STK33: variants seen among roughly 807,000 people sequenced by gnomAD.
STK33 encodes serine/threonine kinase 33, also known as serine/threonine-protein kinase 33.
STK33 carries 52 observed loss-of-function variants against 58.0 expected under a neutral mutation model. The observed-to-expected ratio is 0.90, with a 90% CI of 0.72 to 1.13. The LOEUF (loss-of-function observed/expected upper bound fraction) is 1.13, where lower values mean the gene tolerates loss of function less well. Ranked by LOEUF, STK33 falls within the 50% of genes most tolerant of loss-of-function variation. STK33 has a pLI of 0.00. For synonymous variants in STK33, 215 were observed against 200.1 expected, an observed-to-expected ratio of 1.07 and a Z score of -0.63; for missense variants, 630 against 604.2, an observed-to-expected ratio of 1.04 and a Z score of -0.45.
chr11:8,367,109 A>G, the STK33 span, among the ~76,000 whole-genome samples: 1 of 152,274 alleles, frequency 6.6e-6, no homozygotes, highest in Admixed American at 6.5e-5. Context: ...TGTAGAAAGT[A>G]TACGTTTTGT....
chr11:8,365,605 C>G, the STK33 span, among the ~76,000 whole-genome samples: 1 of 152,166 alleles, frequency 6.6e-6, no homozygotes, highest in African/African-American at 2.4e-5. Flanking sequence ...TTCCTTGGAT[C>G]CCATTTACCG....
intron 1 of STK33, among the ~76,000 whole-genome samples, chr11:8,521,726 A>G (rs998735769): frequency 6.6e-6 from 1 of 152,226 alleles, no homozygotes; most frequent in South Asian, 2.1e-4. Context: ...CAATCTACCC[A>G]TCTGAAAGGG....
chr11:8,449,094 C>T (rs1385805966), intron 11 of STK33, among the ~76,000 whole-genome samples: 2 of 151,608 alleles, frequency 1.3e-5, no homozygotes, highest in African/African-American at 4.9e-5. Flanking sequence ...TACCATCTCA[C>T]ACCAGTTAGA....
chr11:8,589,317 T>C (rs2032224234), intron 1 of STK33, among the ~76,000 whole-genome samples: 1 of 152,338 alleles, frequency 6.6e-6, no homozygotes, highest in South Asian at 2.1e-4. Context: ...AATGGAATTC[T>C]ATTTGGTCAT....
chr11:8,531,169 G>T (rs1401091101), intron 1 of STK33, among the ~76,000 whole-genome samples: 1 of 152,078 alleles, frequency 6.6e-6, no homozygotes, highest in Non-Finnish European at 1.5e-5. Flanking sequence ...TCTAAAAATT[G>T]ATCTTTGAAA....
At chr11:8,412,704 G>A (rs934999076) in intron 15 of STK33, among the ~76,000 whole-genome samples, 12 of 152,184 alleles carry the variant, frequency 7.9e-5, no homozygotes, top group Non-Finnish European at 1.5e-4. Flanking sequence ...CTGCTGGCAG[G>A]ATGCTCAATT....
At chr11:8,386,501 G>C in the STK33 span, among the ~76,000 whole-genome samples, 1 of 152,182 alleles carries the variant, frequency 6.6e-6, no homozygotes. Flanking sequence ...CAGCAATGAG[G>C]ATCCTGAATA....
the STK33 span, among the ~76,000 whole-genome samples, chr11:8,348,016 T>C: frequency 6.6e-6 from 1 of 152,208 alleles, no homozygotes; most frequent in African/African-American, 2.4e-5. Context: ...GTCTAGTCCC[T>C]GAGAGGAGAA....
chr11:8,493,905 T>C (rs1045630133), intron 1 of STK33, among the ~76,000 whole-genome samples: 8 of 152,220 alleles, frequency 5.3e-5, no homozygotes, highest in African/African-American at 1.9e-4. Context: ...CAGCCCTTCA[T>C]GCTAAAGACT....
intron 1 of STK33, among the ~76,000 whole-genome samples, chr11:8,574,919 C>T (rs939156805): frequency 2.0e-5 from 3 of 151,908 alleles, no homozygotes; most frequent in African/African-American, 7.3e-5. Flanking sequence ...GTGGCATGCA[C>T]CTGTAGTCCC....
intron 1 of STK33, among the ~76,000 whole-genome samples, chr11:8,503,028 G>GAAATGT (rs1951627344): frequency 6.6e-6 from 1 of 152,162 alleles, no homozygotes; most frequent in Non-Finnish European, 1.5e-5. Flanking sequence ...ACTGCTGGTG[G>GAAATGT]AAATGTAAAT....
chr11:8,568,676 T>C (rs1187593241), intron 1 of STK33, among the ~76,000 whole-genome samples: 1 of 152,152 alleles, frequency 6.6e-6, no homozygotes, highest in African/African-American at 2.4e-5. Flanking sequence ...TACAGTTCCA[T>C]AAAACTGTGG....
chr11:8,564,003 C>CCT (rs1442919655), intron 1 of STK33, among the ~76,000 whole-genome samples: 1 of 152,122 alleles, frequency 6.6e-6, no homozygotes, highest in East Asian at 1.9e-4. Context: ...ATCTATAGGG[C>CCT]CTCATAAGGT....
chr11:8,498,835 G>GAT (rs1951273672), intron 1 of STK33, among the ~76,000 whole-genome samples: 1 of 152,162 alleles, frequency 6.6e-6, no homozygotes. Flanking sequence ...ATGGGGAAAG[G>GAT]ATTCCCTATT....
chr11:8,543,474 TA>T (rs1204890597), intron 1 of STK33, among the ~76,000 whole-genome samples: 1 of 152,150 alleles, frequency 6.6e-6, no homozygotes, highest in Non-Finnish European at 1.5e-5. Context: ...ATTATGATGT[TA>T]AGTGAAATAA....
At chr11:8,398,233 G>C (rs1023325298) in intron 15 of STK33, among the ~76,000 whole-genome samples, 1 of 152,224 alleles carries the variant, frequency 6.6e-6, no homozygotes, top group Non-Finnish European at 1.5e-5. Context: ...TACCCACAAG[G>C]TGAAGCCCAT....
At chr11:8,524,747 T>C (rs1330803378) in intron 1 of STK33, among the ~76,000 whole-genome samples, 10 of 152,064 alleles carry the variant, frequency 6.6e-5, no homozygotes, top group Admixed American at 6.5e-4. Context: ...TCACTTAAAG[T>C]CAAAGTTTCC....
intron 1 of STK33, among the ~76,000 whole-genome samples, chr11:8,562,286 C>T (rs1360175170): frequency 2.0e-5 from 3 of 152,144 alleles, no homozygotes; most frequent in African/African-American, 4.8e-5. Context: ...TTCTTCCTCT[C>T]CACTTCACTG....
chr11:8,410,178 C>T (rs763423096), intron 15 of STK33, among the ~76,000 whole-genome samples: 7 of 152,096 alleles, frequency 4.6e-5, no homozygotes, highest in East Asian at 1.9e-4. Flanking sequence ...TAAAATATCA[C>T]GAAAATTTAA....
Sources: gnomAD v4.1 joint callset for allele counts (sites outside exome capture counted in the v4.1 genomes callset) on GRCh38, gnomAD v4.1.1 for gene constraint, MANE v1.5 for transcripts, NCBI Gene and HGNC (gene_info 2026-07-23, HGNC 2026-07-21) for gene names.